Variants in HIBCH observed in about 807,000 individuals in gnomAD.
HIBCH encodes the protein 3-hydroxyisobutyryl-CoA hydrolase.
Under a neutral mutation model 58.2 loss-of-function variants are expected in HIBCH, and 50 were observed. The observed-to-expected ratio is 0.86, with a 90% CI of 0.68 to 1.09. The LOEUF (loss-of-function observed/expected upper bound fraction) is 1.09, where lower values mean the gene tolerates loss of function less well. HIBCH is among the 50% of genes least tolerant of loss of function. The probability of loss-of-function intolerance (pLI) is 0.00; values close to 1 mark genes in which losing one functional copy is unlikely to be tolerated. For synonymous variants in HIBCH, 151 were observed against 146.9 expected (o/e 1.03, Z -0.20); for missense variants, 450 against 449.7 (o/e 1.00, Z -0.01).
chr2:190,293,638 C>CT (rs2105988731), intron 4 of HIBCH, among the ~76,000 whole-genome samples: 1 of 151,938 alleles, frequency 6.6e-6, no homozygotes, highest in East Asian at 1.9e-4. Context: ...TTTCCTGTTC[C>CT]TAAGGTAATG....
intron 13 of HIBCH, among the ~76,000 whole-genome samples, chr2:190,205,590 G>C (rs763746225): frequency 1.3e-5 from 2 of 152,134 alleles, no homozygotes; most frequent in African/African-American, 4.8e-5. Flanking sequence ...GTGGTTTAAA[G>C]TAAAGGCAGG....
intron 8 of HIBCH, chr2:190,250,295 G>A (rs1258811987): frequency 4.7e-6 from 2 of 425,982 alleles, no homozygotes. Context: ...TCATAAAAAA[G>A]CTTCTAGTCC....
intron 3 of HIBCH, among the ~76,000 whole-genome samples, chr2:190,296,368 C>T (rs912702513): frequency 1.2e-4 from 18 of 149,072 alleles, no homozygotes; most frequent in Admixed American, 4.0e-4. Context: ...TGCAGTGAGC[C>T]GAGATGGTGC....
Position 190,210,721 on chromosome 2 carries a change from G to A in HIBCH, c.1012-1808C>T, listed in dbSNP as rs72625302. ...CTCTGCCCCCCATCCGCTTCCACAC[G>A]GCCTCTTTGTGGTCCCTAGCACAGG... On this transcript the variant is annotated intron_variant, in intron 12 of 13. Transcript: ENST00000359678. The surrounding 1 kb of genome is among the most constrained non-coding windows in gnomAD (Gnocchi z 5.5). Among the ~76,000 whole-genome samples the A allele has an allele frequency of 0.2, 30,995 of 151,876 alleles. 3,405 individuals are homozygous for A. Among genetic ancestry groups the A allele is most frequent in the East Asian group, 0.32 (1,633 of 5,152 alleles).
intron 1 of HIBCH, among the ~76,000 whole-genome samples, chr2:190,191,797 G>C (rs1041343113): frequency 6.6e-6 from 1 of 151,940 alleles, no homozygotes; most frequent in Admixed American, 6.6e-5. Context: ...TTCAAATCTC[G>C]TTTTCTAAAC....
rs192916122 is a variant in HIBCH at position 190,234,986 on chromosome 2, C to T, written c.891+9901G>A. ...TCTTTGTGGCAGACTGCCACAATTA[C>T]TACTTGAGACCTTCACTACAACTGT... On this transcript the variant is annotated intron_variant, in intron 11 of 13. Coordinates refer to ENST00000359678, the MANE Select transcript of HIBCH (RefSeq NM_014362.4). 3.4e-4 allele frequency among the ~76,000 whole-genome samples: 52 copies of T among 152,332 alleles called. No individual in the cohort carries two copies. The East Asian group carries it at 8.1e-3, about 24-fold the overall frequency.
At chr2:190,240,947 T>C (rs1232717652) in intron 11 of HIBCH, among the ~76,000 whole-genome samples, 1 of 152,238 alleles carries the variant, frequency 6.6e-6, no homozygotes, top group Non-Finnish European at 1.5e-5. Flanking sequence ...ATAACGTATA[T>C]TATGTTGATT....
intron 2 of HIBCH, among the ~76,000 whole-genome samples, chr2:190,300,139 T>C (rs1330883341): frequency 6.6e-6 from 1 of 152,238 alleles, no homozygotes; most frequent in East Asian, 1.9e-4. Context: ...CGTGTGCATG[T>C]GTCTTTATGG....
chr2:190,287,670 A>G (rs1474611155), intron 5 of HIBCH, 32 bp from the exon 6 acceptor site: 7 of 1,516,864 alleles, frequency 4.6e-6, no homozygotes, highest in Non-Finnish European at 6.4e-6. Flanking sequence ...TTTTAGTTAC[A>G]GTGTTTAAAA....
At chr2:190,225,617 G>C (rs1346734207) in intron 11 of HIBCH, among the ~76,000 whole-genome samples, 1 of 152,114 alleles carries the variant, frequency 6.6e-6, no homozygotes, top group Non-Finnish European at 1.5e-5. Context: ...CTGAAATTGA[G>C]GCAATAATTA....
At chr2:190,213,669 A>T (rs1291881971) in intron 11 of HIBCH, 1 of 154,472 alleles carries the variant, frequency 6.5e-6, no homozygotes, top group Non-Finnish European at 1.4e-5. Flanking sequence ...TACTTAGGTC[A>T]TAAGTCAAAT....
intron 1 of HIBCH, among the ~76,000 whole-genome samples, chr2:190,318,538 C>T (rs1688763782): frequency 1.3e-5 from 2 of 152,156 alleles, no homozygotes; most frequent in Non-Finnish European, 2.9e-5. Flanking sequence ...CTGGAAAAGG[C>T]ATCTCAGATC....
chr2:190,237,012 T>C lies in HIBCH; in HGVS notation c.891+7875A>G, dbSNP rs115684405. ...AATTGCTCTTATTAATAGCAATAAA[T>C]GGTATACTATAATGGGTACATTCAG... On this transcript the variant is annotated intron_variant, in intron 11 of 13. Coordinates refer to ENST00000359678, the MANE Select transcript of HIBCH (RefSeq NM_014362.4). Among the ~76,000 whole-genome samples the C allele has an allele frequency of 6.6e-3, 1,001 of 152,310 alleles. 16 individuals are homozygous for C. The highest frequency in any genetic ancestry group is 0.022 in the African/African-American group (927 of 41,572).
intron 1 of HIBCH, among the ~76,000 whole-genome samples, chr2:190,311,293 T>C (rs1414366163): frequency 6.6e-6 from 1 of 152,162 alleles, no homozygotes; most frequent in African/African-American, 2.4e-5. Context: ...GAAGGAGGGA[T>C]GAACAGTTGA....
intron 7 of HIBCH, among the ~76,000 whole-genome samples, chr2:190,259,616 C>T (rs1376791976): frequency 6.6e-6 from 1 of 152,036 alleles, no homozygotes; most frequent in East Asian, 1.9e-4. Context: ...CTTTTTGATG[C>T]TTTTGTAAAT....
intron 2 of HIBCH, among the ~76,000 whole-genome samples, chr2:190,297,483 T>C (rs1213102423): frequency 3.3e-5 from 5 of 152,120 alleles, no homozygotes; most frequent in Admixed American, 3.3e-4. Context: ...AAAACATTAG[T>C]GGAACAAAGG....
At chr2:190,310,447 ATTAT>A (rs1166778529) in intron 2 of HIBCH, among the ~76,000 whole-genome samples, 9 of 150,500 alleles carry the variant, frequency 6.0e-5, no homozygotes, top group Non-Finnish European at 1.2e-4. Flanking sequence ...TAAGGTAGAT[ATTAT>A]TATTATTCTC....
chr2:190,199,002 G>T (rs1690112598), downstream of HIBCH, among the ~76,000 whole-genome samples: 1 of 152,176 alleles, frequency 6.6e-6, no homozygotes, highest in Non-Finnish European at 1.5e-5. Context: ...ACAGTCAATA[G>T]GTGGCTTTGC....
intron 6 of HIBCH, among the ~76,000 whole-genome samples, chr2:190,274,493 T>A (rs1687494486): frequency 6.6e-6 from 1 of 152,214 alleles, no homozygotes; most frequent in Admixed American, 6.5e-5. Context: ...AATTCCCACT[T>A]CTCTAGTCAT....
Sources: allele counts gnomAD v4.1 joint callset (sites outside exome capture counted in the v4.1 genomes callset), GRCh38; gene constraint gnomAD v4.1.1; non-coding constraint Gnocchi (gnomAD v3.1); transcripts MANE v1.5; gene names NCBI Gene and HGNC (gene_info 2026-07-23, HGNC 2026-07-21).